PZP: variants seen among roughly 807,000 people sequenced by gnomAD.
PZP encodes the protein PZP alpha-2-macroglobulin like, also known as pregnancy zone protein.
PZP carries 150 observed loss-of-function variants against 179.8 expected under a neutral mutation model. That is an observed-to-expected ratio of 0.83 (90% confidence interval 0.73 to 0.96). PZP has a LOEUF of 0.96. Among genes scored for constraint, PZP ranks in the 40% least tolerant of loss-of-function variants. The pLI is 0.00. For synonymous variants in PZP, 624 were observed against 652.3 expected, an observed-to-expected ratio of 0.96 and a Z score of 0.66; for missense variants, 1,689 against 1,764.0, an observed-to-expected ratio of 0.96 and a Z score of 0.76.
chr12:9,174,742 T>C (rs995240702), intron 15 of PZP, among the ~76,000 whole-genome samples: 2 of 152,096 alleles, frequency 1.3e-5, no homozygotes, highest in Non-Finnish European at 2.9e-5. Flanking sequence ...TACCTAGGAA[T>C]ACAGCTAACA....
downstream of PZP, among the ~76,000 whole-genome samples, chr12:9,146,530 T>A (rs141799699): frequency 1.3e-3 from 193 of 152,322 alleles, no homozygotes; most frequent in African/African-American, 4.5e-3. Flanking sequence ...ATTTTGTTCC[T>A]CTTTAAAGGA....
chr12:9,185,111 C>G (rs1943021244), intron 13 of PZP, among the ~76,000 whole-genome samples: 2 of 152,114 alleles, frequency 1.3e-5, no homozygotes, highest in African/African-American at 4.8e-5. Context: ...AGAATTCAGA[C>G]TATGGATAGG....
chr12:9,187,028 G>A (rs1943165923), intron 13 of PZP, among the ~76,000 whole-genome samples: 1 of 150,286 alleles, frequency 6.7e-6, no homozygotes, highest in Non-Finnish European at 1.5e-5. Flanking sequence ...AGAAAAGCAG[G>A]GGTTGCAATA....
intron 21 of PZP, 56 bp downstream of exon 21, chr12:9,163,612 G>C: frequency 6.3e-7 from 1 of 1,588,012 alleles, no homozygotes; most frequent in South Asian, 1.1e-5. Context: ...TGTCTCAAGA[G>C]TGACCGCCCG....
chr12:9,183,838 T>C (rs1212874436), intron 13 of PZP, among the ~76,000 whole-genome samples: 2 of 152,230 alleles, frequency 1.3e-5, no homozygotes, highest in Non-Finnish European at 2.9e-5. Context: ...TATCACTATG[T>C]GTTTATACTG....
intron 31 of PZP, 34 bp from the exon 32 acceptor site, chr12:9,152,344 T>C: frequency 6.4e-7 from 1 of 1,558,188 alleles, no homozygotes; most frequent in Non-Finnish European, 8.9e-7. Context: ...TTTAGGGTTT[T>C]ATACGTGAAA....
intron 16 of PZP, 124 bp downstream of exon 16, chr12:9,169,306 T>G: frequency 1.2e-5 from 12 of 1,008,970 alleles, no homozygotes; most frequent in Non-Finnish European, 1.7e-5. Context: ...ATTGGCTTCA[T>G]TTTTGTCTGC....
At chr12:9,190,602 T>C (rs1943404772) in intron 13 of PZP, among the ~76,000 whole-genome samples, 1 of 152,046 alleles carries the variant, frequency 6.6e-6, no homozygotes, top group South Asian at 2.1e-4. Context: ...GTAGTAGGCT[T>C]AGAACCTGGG....
At chr12:9,181,283 T>C in intron 14 of PZP, 151 bp from the exon 15 acceptor site, 1 of 1,006,664 alleles carries the variant, frequency 9.9e-7, no homozygotes, top group Non-Finnish European at 1.4e-6. Context: ...TTCCTTCACT[T>C]TAAAAATAGA....
chr12:9,188,176 G>A (rs1045489533), intron 13 of PZP, among the ~76,000 whole-genome samples: 6 of 152,188 alleles, frequency 3.9e-5, no homozygotes, highest in Non-Finnish European at 7.3e-5. Flanking sequence ...CTTAGCTACC[G>A]CGATCAAGTA....
In PZP at chr12:9,192,620, C is replaced by G; in HGVS notation, c.1374G>C (p.Glu458Asp). Residue 458 changes from glutamate (E) to aspartate (D), a missense_variant, in exon 12 of 36, where the codon GAG becomes GAC. By Grantham distance (45) the Glu-to-Asp change is conservative. Around this residue, in one of 3 missense-constraint regions of PZP, gnomAD observed 742 missense variants for 730.5 expected, o/e 1.02. Transcript: ENST00000261336. The part of the protein sequence containing the change: ...FSLSGSYIHL[E>D]PVAGTLPCGH... Reference sequence around the variant, plus strand: ...CACAGGGCAGGGTACCAGCCACAGGCTCCAGGTGAATGTAACTTCCACTTA... The same window carrying G: ...CACAGGGCAGGGTACCAGCCACAGGGTCCAGGTGAATGTAACTTCCACTTA... 1 of 1,614,118 alleles carries G rather than the reference C, an allele frequency of 6.2e-7. No homozygotes were observed. Among genetic ancestry groups the G allele is most frequent in the Non-Finnish European group, 8.5e-7 (1 of 1,179,986 alleles).
chr12:9,196,614 T>C lies in PZP; in HGVS notation c.939A>G (p.Glu313=). 6.2e-7 allele frequency: 1 copy of C among 1,613,784 alleles called. No homozygotes were observed. Among genetic ancestry groups the C allele is most frequent in the Non-Finnish European group, 8.5e-7 (1 of 1,179,686 alleles). ...KMLQITNTGF[E]MKLRVEARIR... ...TCCTGGCTTCCACTCTAAGCTTCAT[T>C]TCAAAGCCCGTATTTGTAATCTGGA... The change falls in exon 9 of 36, where the codon GAA becomes GAG. Residue 313 remains glutamate (E), a synonymous_variant. Coordinates refer to ENST00000261336, the MANE Select transcript of PZP (RefSeq NM_002864.3).
In PZP at chr12:9,154,681, C is replaced by G. The variant is rs748546709; in HGVS notation, c.3709G>C (p.Ala1237Pro). The G allele has an allele frequency of 6.2e-7, 1 of 1,614,140 alleles. No individual in the cohort carries two copies. Among genetic ancestry groups the G allele is most frequent in the Admixed American group, 1.7e-5 (1 of 60,020 alleles). ...PAPTSGDLTS[A>P]TNIVKWIMKQ... is the part of the protein sequence containing the mutation. ...ATGATCCACTTCACAATGTTAGTTG[C>G]AGAGGTCAGGTCCCCTGAGGTGGGG... is the stretch of plus-strand genomic sequence containing the variant. The change falls in exon 29 of 36, where the codon GCA (alanine) becomes CCA (proline). Residue 1237 changes from alanine to proline, a missense_variant. Transcript: ENST00000261336.
Position 9,202,576 on chromosome 12 carries a change from T to G in PZP, c.376A>C (p.Ser126Arg). ...TTGTCTGTCTGGACAAAGACCAGAC[T>G]TTGGGTGTTCAGTACCAGAACTGTG... ...RNTVLVLNTQ[S>R]LVFVQTDKPM... The change falls in exon 3 of 36, where the codon AGT (serine) becomes CGT (arginine). Residue 126 changes from serine (S) to arginine (R), a missense_variant. By Grantham distance (110) the Ser-to-Arg change is moderately radical (BLOSUM62 -1). Coordinates refer to ENST00000261336, the MANE Select transcript of PZP (RefSeq NM_002864.3). 6.2e-7 allele frequency: 1 copy of G among 1,614,136 alleles called. No homozygotes were observed. Among genetic ancestry groups the G allele is most frequent in the Non-Finnish European group, 8.5e-7 (1 of 1,180,004 alleles).
Position 9,158,435 on chromosome 12 carries a change from G to A in PZP, c.3279C>T (p.Leu1093=), listed in dbSNP as rs763518072. The A allele has an allele frequency of 1.2e-5, 19 of 1,614,004 alleles. No individual in the cohort carries two copies. The Admixed American group carries it at 2.8e-4, about 24-fold the overall frequency. ...NGCFRSSGSL[L]NNAIKGGVED... Reference sequence around the variant, plus strand: ...AACAGTTCACCTTTATGGCATTGTTGAGCAGTGACCCAGAGCTCCTGAAAC... The same window carrying A: ...AACAGTTCACCTTTATGGCATTGTTAAGCAGTGACCCAGAGCTCCTGAAAC... The change falls in exon 26 of 36, where the codon CTC becomes CTT. Residue 1093 remains leucine, a synonymous_variant. Coordinates refer to ENST00000261336, the MANE Select transcript of PZP (RefSeq NM_002864.3).
At chr12:9,202,288 A>G in intron 4 of PZP, 31 bp downstream of exon 4, 2 of 1,590,820 alleles carry the variant, frequency 1.3e-6, no homozygotes, top group East Asian at 2.2e-5. Flanking sequence ...CACTCTACCC[A>G]CAACCCAAAC....
rs777102521 is a variant in PZP, at chr12:9,162,721, C to A, written c.2737-73G>T. 3.9e-5 allele frequency: 46 copies of A among 1,184,192 alleles called. No individual in the cohort carries two copies. The African/African-American group carries it at 6.7e-4, about 17-fold the overall frequency. The allele number at this position is 1,184,192 out of a possible 1,614,324, so 73.4% of individuals were successfully genotyped here. A position where few individuals can be genotyped will look rare whatever the true frequency, so the allele number is the denominator to read the frequency against. On this transcript the variant is annotated intron_variant, in intron 21 of 35. Coordinates refer to ENST00000261336, the MANE Select transcript of PZP (RefSeq NM_002864.3). Reference sequence around the variant, plus strand: ...ACAAGAGAACCACATGGATTCCTTTCTTTGATGGGTAGGGTTTACACGAAT... The same window carrying A: ...ACAAGAGAACCACATGGATTCCTTTATTTGATGGGTAGGGTTTACACGAAT...
intron 10 of PZP, 111 bp downstream of exon 10, chr12:9,196,219 T>G (rs1804529223): frequency 1.6e-6 from 1 of 636,362 alleles, no homozygotes; most frequent in South Asian, 2.4e-5. Context: ...TCATGGTTTT[T>G]GGTCATATTA....
intron 13 of PZP, among the ~76,000 whole-genome samples, chr12:9,183,925 A>G: frequency 6.6e-6 from 1 of 152,330 alleles, no homozygotes; most frequent in East Asian, 1.9e-4. Context: ...ATTTGTGTTC[A>G]GTTGGACAGA....
Sources: gnomAD v4.1 joint callset for allele counts (sites outside exome capture counted in the v4.1 genomes callset) on GRCh38, gnomAD v4.1.1 for gene constraint, gnomAD v4.1.1 regional missense constraint, MANE v1.5 for transcripts, NCBI Gene and HGNC (gene_info 2026-07-23, HGNC 2026-07-21) for gene names.